SLC22A25: variants seen among roughly 807,000 people sequenced by gnomAD.
The protein encoded by SLC22A25 is MGI:2442751, MGI:2385316, MGI:3042283, MGI:3645714, MGI:3605624, MGI:2442750.
Under a neutral mutation model 45.9 loss-of-function variants are expected in SLC22A25, and 44 were observed. The observed-to-expected ratio is 0.96, with a 90% CI of 0.75 to 1.23. The LOEUF (loss-of-function observed/expected upper bound fraction) is 1.23, where lower values mean the gene tolerates loss of function less well. SLC22A25 is among the 50% of genes most tolerant of loss of function. SLC22A25 has a pLI of 0.00. For missense variants in SLC22A25, 800 were observed against 666.4 expected, an observed-to-expected ratio of 1.20 and a Z score of -2.21; for synonymous variants, 283 against 238.6, an observed-to-expected ratio of 1.19 and a Z score of -1.72.
intron 7 of SLC22A25, among the ~76,000 whole-genome samples, chr11:63,216,086 AAAG>A (rs2089703062): frequency 6.6e-6 from 1 of 152,198 alleles, no homozygotes; most frequent in African/African-American, 2.4e-5. Flanking sequence ...ACAGTTTTCA[AAAG>A]AAGACACACA....
intron 7 of SLC22A25, among the ~76,000 whole-genome samples, chr11:63,195,924 A>G (rs1046148904): frequency 4.6e-5 from 7 of 152,234 alleles, no homozygotes; most frequent in Admixed American, 2.6e-4. Flanking sequence ...AGGGGATATC[A>G]CCACGGATCC....
In SLC22A25 at chr11:63,163,528, T is replaced by C. The variant is rs2087574061; in HGVS notation, c.*296A>G. ...TGAGGGCTCCCCAGGGATGAGAAGA[T>C]GGTGTTTGGATCCCTGCATGTTTGT... On this transcript the variant is annotated 3_prime_UTR_variant, in exon 12 of 12. Coordinates refer to ENST00000306494, the MANE Select transcript of SLC22A25 (RefSeq NM_199352.6). Among the ~76,000 whole-genome samples, 1 of 152,102 alleles carries C rather than the reference T, an allele frequency of 6.6e-6. No homozygotes were observed. The highest frequency in any genetic ancestry group is 1.5e-5 in the Non-Finnish European group (1 of 68,012).
intron 5 of SLC22A25, among the ~76,000 whole-genome samples, chr11:63,222,182 TGATAGA>T (rs1590897210): frequency 6.6e-6 from 1 of 152,168 alleles, no homozygotes; most frequent in Non-Finnish European, 1.5e-5. Context: ...ATTGGTATTT[TGATAGA>T]GATTGCATTG....
intron 9 of SLC22A25, 100 bp downstream of exon 9, chr11:63,180,560 C>G: frequency 1.3e-6 from 1 of 789,608 alleles, no homozygotes; most frequent in Non-Finnish European, 2.0e-6. Flanking sequence ...CATCTTTTAT[C>G]CCCCAAATAT....
intron 3 of SLC22A25, among the ~76,000 whole-genome samples, chr11:63,234,431 T>A (rs1299330862): frequency 6.6e-6 from 1 of 152,210 alleles, no homozygotes; most frequent in Non-Finnish European, 1.5e-5. Flanking sequence ...TGGTTTAAAG[T>A]CTGTTTTATC....
intron 7 of SLC22A25, among the ~76,000 whole-genome samples, chr11:63,211,311 C>G (rs2089553667): frequency 6.6e-6 from 1 of 152,128 alleles, no homozygotes; most frequent in African/African-American, 2.4e-5. Flanking sequence ...CCTCTGCTGC[C>G]CATGAGCAAG....
chr11:63,231,507 T>G (rs950200638), intron 3 of SLC22A25, among the ~76,000 whole-genome samples: 2 of 152,178 alleles, frequency 1.3e-5, no homozygotes, highest in African/African-American at 2.4e-5. Flanking sequence ...TCTTTTTTTC[T>G]TGTAAATTTG....
intron 7 of SLC22A25, among the ~76,000 whole-genome samples, chr11:63,202,289 C>T (rs1206597609): frequency 6.6e-6 from 1 of 151,756 alleles, no homozygotes; most frequent in Non-Finnish European, 1.5e-5. Flanking sequence ...CCTGGAATGC[C>T]AGTGAGACAG....
chr11:63,177,962 C>T (rs571486833), intron 9 of SLC22A25, among the ~76,000 whole-genome samples: 5 of 149,382 alleles, frequency 3.3e-5, no homozygotes, highest in Middle Eastern at 3.5e-3. Flanking sequence ...TGACACTCCA[C>T]CTCCTTGGGC....
At chr11:63,233,806 A>G (rs1008224189) in intron 3 of SLC22A25, among the ~76,000 whole-genome samples, 18 of 152,162 alleles carry the variant, frequency 1.2e-4, no homozygotes, top group Non-Finnish European at 2.2e-4. Flanking sequence ...CACTGCTTTG[A>G]ATGTGTCCCA....
intron 9 of SLC22A25, among the ~76,000 whole-genome samples, chr11:63,174,302 G>A (rs1186501621): frequency 2.0e-5 from 3 of 151,982 alleles, no homozygotes; most frequent in Admixed American, 2.0e-4. Context: ...AGTCTATCAA[G>A]GTTGGATTTT....
intron 4 of SLC22A25, 71 bp downstream of exon 4, chr11:63,229,180 G>A (rs2090020874): frequency 4.2e-6 from 6 of 1,425,270 alleles, no homozygotes; most frequent in Non-Finnish European, 4.7e-6. Context: ...AAGGCTGGAA[G>A]CACAATCATT....
intron 4 of SLC22A25, 38 bp from the exon 5 acceptor site, chr11:63,228,602 C>A (rs1195731905): frequency 3.4e-6 from 5 of 1,456,122 alleles, no homozygotes; most frequent in Non-Finnish European, 4.8e-6. Context: ...ATGCTTATAG[C>A]CCCTCAGTGT....
intron 7 of SLC22A25, among the ~76,000 whole-genome samples, chr11:63,211,846 A>G (rs1244963330): frequency 6.6e-6 from 1 of 152,118 alleles, no homozygotes; most frequent in Non-Finnish European, 1.5e-5. Flanking sequence ...GAGCTTCTGC[A>G]CAGCAAAAGA....
chr11:63,206,161 G>A (rs540852762), intron 7 of SLC22A25, among the ~76,000 whole-genome samples: 156 of 152,142 alleles, frequency 1.0e-3, no homozygotes, highest in African/African-American at 3.5e-3. Flanking sequence ...TATTTATTAT[G>A]AACCTATAGC....
chr11:63,190,212 A>C (rs547709651), intron 7 of SLC22A25, among the ~76,000 whole-genome samples: 2 of 152,186 alleles, frequency 1.3e-5, no homozygotes, highest in Non-Finnish European at 2.9e-5. Flanking sequence ...CTTTTCAGAT[A>C]GTCCCATATT....
chr11:63,192,054 A>G (rs1336198308), intron 7 of SLC22A25, among the ~76,000 whole-genome samples: 20 of 152,216 alleles, frequency 1.3e-4, no homozygotes, highest in Non-Finnish European at 1.3e-4. Flanking sequence ...GGTTGAAATG[A>G]TGATAGAAAA....
chr11:63,191,041 A>T (rs1028630651), intron 7 of SLC22A25, among the ~76,000 whole-genome samples: 1 of 152,054 alleles, frequency 6.6e-6, no homozygotes, highest in Non-Finnish European at 1.5e-5. Context: ...ATCTCCAGCT[A>T]TGTGCTGGGA....
intron 9 of SLC22A25, among the ~76,000 whole-genome samples, chr11:63,172,114 C>G (rs2087909870): frequency 6.6e-6 from 1 of 152,088 alleles, no homozygotes; most frequent in Non-Finnish European, 1.5e-5. Context: ...GAAACTGGAC[C>G]CCTTCCTTAC....
Sources: allele counts gnomAD v4.1 joint callset (sites outside exome capture counted in the v4.1 genomes callset), GRCh38; gene constraint gnomAD v4.1.1; transcripts MANE v1.5; gene names NCBI Gene and HGNC (gene_info 2026-07-23, HGNC 2026-07-21).